Variants in WDFY4 observed in about 807,000 individuals in gnomAD.
The protein encoded by WDFY4 is WDFY family member 4.
A neutral mutation model predicts 351.9 loss-of-function variants in WDFY4; 169 were observed. The observed-to-expected ratio is 0.48, with a 90% confidence interval of 0.42 to 0.55. The LOEUF is 0.55. WDFY4 is among the 20% of genes least tolerant of loss of function. The pLI is 0.00. For missense variants in WDFY4, 3,803 were observed against 3,935.6 expected (o/e 0.97, Z 0.90); for synonymous variants, 1,622 against 1,574.6 (o/e 1.03, Z -0.71).
chr10:48,828,090 T>G (rs1017210030), intron 36 of WDFY4, among the ~76,000 whole-genome samples: 3 of 152,212 alleles, frequency 2.0e-5, no homozygotes, highest in Non-Finnish European at 4.4e-5. Context: ...TTTCCATGTT[T>G]GTCATTTTCA....
At chr10:48,818,880 A>G (rs1278714028) in intron 32 of WDFY4, among the ~76,000 whole-genome samples, 1 of 152,232 alleles carries the variant, frequency 6.6e-6, no homozygotes, top group Non-Finnish European at 1.5e-5. Flanking sequence ...ACCCACAGCC[A>G]GAGGCGCAGG....
intron 8 of WDFY4, among the ~76,000 whole-genome samples, chr10:48,729,869 G>A (rs914508301): frequency 3.9e-5 from 6 of 152,228 alleles, no homozygotes; most frequent in African/African-American, 1.2e-4. Flanking sequence ...AATGGGGACT[G>A]ATGGCCCTAA....
chr10:48,927,034 C>G (rs1017490265), intron 47 of WDFY4, among the ~76,000 whole-genome samples: 8 of 152,198 alleles, frequency 5.3e-5, no homozygotes, highest in Admixed American at 5.2e-4. Context: ...ACCAGAGAGG[C>G]AGTGACCTCT....
Position 48,790,915 on chromosome 10 carries a change from C to T in WDFY4, c.4255C>T (p.Gln1419Ter). The T allele has an allele frequency of 6.4e-7, 1 of 1,551,620 alleles. No homozygotes were observed. Among genetic ancestry groups the T allele is most frequent in the Non-Finnish European group, 8.7e-7 (1 of 1,146,924 alleles). Reference sequence around the variant, plus strand: ...CCTGATGCAACACATCTGTGGGTACCAGGTAATCCCATCCTCCCACCTGGA... The same window carrying T: ...CCTGATGCAACACATCTGTGGGTACTAGGTAATCCCATCCTCCCACCTGGA... The part of the protein sequence containing the change: ...DFLMQHICGY[Q>*]IMAFLLRKKA... Residue 1419 changes from glutamine to a stop codon, truncating the protein, a stop_gained and splice_region_variant, in exon 23 of 62, where the codon CAG becomes TAG. Transcript: ENST00000325239. LOFTEE classifies it high-confidence loss of function.
At chr10:48,744,410 T>G (rs781519781) in intron 12 of WDFY4, among the ~76,000 whole-genome samples, 3 of 152,208 alleles carry the variant, frequency 2.0e-5, no homozygotes, top group Non-Finnish European at 2.9e-5. Flanking sequence ...TTATGATTTT[T>G]GGGGGTTAAT....
intron 11 of WDFY4, 89 bp downstream of exon 11, chr10:48,736,159 T>A: frequency 2.7e-6 from 4 of 1,467,464 alleles, no homozygotes; most frequent in Non-Finnish European, 3.7e-6. Flanking sequence ...TTCATGTAAT[T>A]CAGTTAGCCA....
intron 39 of WDFY4, among the ~76,000 whole-genome samples, chr10:48,858,560 T>C (rs1589761896): frequency 6.6e-6 from 1 of 152,344 alleles, no homozygotes; most frequent in East Asian, 1.9e-4. Flanking sequence ...CACTGATCTA[T>C]ATGTCTATTC....
intron 31 of WDFY4, among the ~76,000 whole-genome samples, chr10:48,815,756 G>A (rs2620895): frequency 0.088 from 13,256 of 151,490 alleles, 1,470 homozygotes; most frequent in African/African-American, 0.26. Flanking sequence ...CTTTTAGCCA[G>A]TTTCCTATGA....
At chr10:48,780,483 C>G (rs147807431) in intron 19 of WDFY4, among the ~76,000 whole-genome samples, 95 of 152,334 alleles carry the variant, frequency 6.2e-4, no homozygotes, top group African/African-American at 1.9e-3. Context: ...TAAGGTATGA[C>G]TTTTCCAAGA....
chr10:48,740,240 A>C lies in WDFY4; in HGVS notation c.1879-2728A>C, dbSNP rs1201917244. Among the ~76,000 whole-genome samples the C allele has an allele frequency of 1.3e-5, 2 of 152,230 alleles. 1 individual carries two copies. Among genetic ancestry groups the C allele is most frequent in the African/African-American group, 4.8e-5 (2 of 41,450 alleles). ...TGTGTCACGTGACCAGGCATAGGTC[A>C]GGTTCAGACGCGTGCCGTACCACAT... On this transcript the variant is annotated intron_variant, in intron 11 of 61. Transcript: ENST00000325239.
At chr10:48,747,899 C>G (rs936806863) in intron 12 of WDFY4, among the ~76,000 whole-genome samples, 3 of 152,186 alleles carry the variant, frequency 2.0e-5, no homozygotes, top group African/African-American at 7.2e-5. Context: ...TTCTTGGATT[C>G]CATAGAAACC....
At chr10:48,836,891 C>T (rs1264338054) in intron 39 of WDFY4, among the ~76,000 whole-genome samples, 1 of 152,124 alleles carries the variant, frequency 6.6e-6, no homozygotes, top group Non-Finnish European at 1.5e-5. Context: ...GGCCAGCTCC[C>T]CTCTTCACAG....
intron 2 of WDFY4, among the ~76,000 whole-genome samples, chr10:48,715,629 A>T (rs1409648494): frequency 6.6e-6 from 1 of 151,590 alleles, no homozygotes; most frequent in African/African-American, 2.4e-5. Flanking sequence ...TTATTTTTTT[A>T]TTTTTTTTAT....
At chr10:48,924,512 A>G (rs1839405109) in intron 47 of WDFY4, among the ~76,000 whole-genome samples, 3 of 152,240 alleles carry the variant, frequency 2.0e-5, no homozygotes, top group Non-Finnish European at 4.4e-5. Flanking sequence ...AGACGAATGG[A>G]TGTATTTATG....
intron 47 of WDFY4, among the ~76,000 whole-genome samples, chr10:48,927,096 G>A (rs1244243516): frequency 6.6e-6 from 1 of 152,198 alleles, no homozygotes; most frequent in Non-Finnish European, 1.5e-5. Flanking sequence ...AGGGGCGGCT[G>A]TATGCAGACT....
intron 39 of WDFY4, among the ~76,000 whole-genome samples, chr10:48,851,449 A>G (rs138533364): frequency 1.3e-5 from 2 of 152,332 alleles, no homozygotes; most frequent in Non-Finnish European, 2.9e-5. Flanking sequence ...AATGGTAATC[A>G]CATGTCCGTT....
chr10:48,911,837 A>G (rs1838032432), intron 47 of WDFY4, among the ~76,000 whole-genome samples: 1 of 152,246 alleles, frequency 6.6e-6, no homozygotes, highest in Non-Finnish European at 1.5e-5. Context: ...GAAAATTTTG[A>G]ATCTAGATCT....
chr10:48,810,573 C>A lies in WDFY4; in HGVS notation c.4882C>A (p.Leu1628Met), dbSNP rs1305873534. The stretch of plus-strand genomic sequence containing the variant: ...TCTGAAACTGGGGCCTGACTGGTTC[C>A]TGCTGCTCCTGCAGGGCCACCTGCA... ...MFLKLGPDWF[L>M]LLLQGHLHAS... Residue 1628 changes from leucine to methionine, a missense_variant, in exon 29 of 62, where the codon CTG (leucine) becomes ATG (methionine). Around this residue, in one of 3 missense-constraint regions of WDFY4, gnomAD observed 3,054 missense variants for 3,148.6 expected, o/e 0.97. Transcript: ENST00000325239. 1.9e-6 allele frequency: 3 copies of A among 1,551,712 alleles called. No individual in the cohort carries two copies. Among genetic ancestry groups the A allele is most frequent in the South Asian group, 2.4e-5 (2 of 84,050 alleles).
At chr10:48,760,692 G>A (rs1306987553) in intron 13 of WDFY4, among the ~76,000 whole-genome samples, 1 of 152,162 alleles carries the variant, frequency 6.6e-6, no homozygotes, top group East Asian at 1.9e-4. Context: ...AAGAACAACA[G>A]CCAAACAAAA....
Sources: allele counts gnomAD v4.1 joint callset (sites outside exome capture counted in the v4.1 genomes callset), GRCh38; gene constraint gnomAD v4.1.1; regional missense constraint gnomAD v4.1.1; transcripts MANE v1.5; gene names NCBI Gene and HGNC (gene_info 2026-07-23, HGNC 2026-07-21).